VRK2: variants seen among roughly 807,000 people sequenced by gnomAD.
VRK2 encodes the protein VRK serine/threonine kinase 2.
Under a neutral mutation model 57.6 loss-of-function variants are expected in VRK2, and 60 were observed. The observed-to-expected ratio is 1.04, with a 90% confidence interval of 0.85 to 1.29. The LOEUF (loss-of-function observed/expected upper bound fraction) is 1.29. Ranked by LOEUF, VRK2 falls within the 50% of genes most tolerant of loss-of-function variation. The pLI is 0.00. For missense variants in VRK2, 705 were observed against 588.1 expected (o/e 1.20, Z -2.06); for synonymous variants, 231 against 199.2 (o/e 1.16, Z -1.35).
At chr2:58,000,914 G>A (rs367623815) in intron 1 of VRK2, among the ~76,000 whole-genome samples, 1 of 152,176 alleles carries the variant, frequency 6.6e-6, no homozygotes, top group African/African-American at 2.4e-5. Flanking sequence ...ACAAGAAAAT[G>A]CCTTTGAAAT....
intron 7 of VRK2, among the ~76,000 whole-genome samples, chr2:58,113,751 G>A (rs1441341038): frequency 1.3e-5 from 2 of 152,118 alleles, no homozygotes; most frequent in African/African-American, 2.4e-5. Flanking sequence ...CAGTTAAGGC[G>A]GGGCAGGGCC....
intron 1 of VRK2, among the ~76,000 whole-genome samples, chr2:58,009,871 T>C (rs1312637481): frequency 1.3e-5 from 2 of 152,210 alleles, no homozygotes; most frequent in Middle Eastern, 3.4e-3. Context: ...TACTTACCCA[T>C]CCTTTAATGA....
chr2:58,130,963 TTATAAA>T (rs139087470), intron 8 of VRK2, among the ~76,000 whole-genome samples: 521 of 152,222 alleles, frequency 3.4e-3, no homozygotes, highest in Middle Eastern at 0.01. Flanking sequence ...TATAAGGTAC[TTATAAA>T]TATATATAAA....
rs981312376 is a variant in VRK2, at chr2:57,980,325, C to A, written c.-438-45340C>A. On this transcript the variant is annotated intron_variant, in intron 1 of 15. Coordinates refer to the VRK2 transcript ENST00000417641. ...CATTCAAGAACAGGTTGTTAAATTT[C>A]CATGTAATTGTATGGTTTTTGAGAG... Among the ~76,000 whole-genome samples, 3 of 152,036 alleles carry A rather than the reference C, an allele frequency of 2.0e-5. No individual in the cohort carries two copies. In the East Asian group the frequency reaches 5.8e-4, roughly 29 times the overall value.
At chr2:58,038,737 C>T (rs1452347617) in intron 3 of VRK2, among the ~76,000 whole-genome samples, 1 of 152,032 alleles carries the variant, frequency 6.6e-6, no homozygotes, top group Non-Finnish European at 1.5e-5. Context: ...TGAGTTTTCA[C>T]TTTCTTTCTG....
chr2:58,159,326 C>T (rs762052029), intron 12 of VRK2, 23 bp from the exon 13 acceptor site: 3 of 1,549,568 alleles, frequency 1.9e-6, no homozygotes, highest in Non-Finnish European at 2.6e-6. Flanking sequence ...ACAAACTAAA[C>T]TATATATGTA....
chr2:58,038,046 T>G lies in VRK2; in HGVS notation c.-6+4493T>G, dbSNP rs187209601. Among the ~76,000 whole-genome samples, 6 of 152,224 alleles carry G rather than the reference T, an allele frequency of 3.9e-5. No individual in the cohort carries two copies. The East Asian group carries it at 1.2e-3, about 29-fold the overall frequency. ...TATGACACCCCAAAATATGCCACTT[T>G]GATATAAGGATGATTTGGAGCTGAA... is the stretch of plus-strand genomic sequence containing the variant. On this transcript the variant is annotated intron_variant, in intron 3 of 15. Coordinates refer to the VRK2 transcript ENST00000417641.
At chr2:57,936,580 C>G (rs939651119) in intron 1 of VRK2, among the ~76,000 whole-genome samples, 3 of 147,876 alleles carry the variant, frequency 2.0e-5, no homozygotes, top group African/African-American at 7.6e-5. Context: ...GTTGTCCAGG[C>G]TGGAGTGCAG....
At position 57,963,890 on chromosome 2, in the gene VRK2, T is replaced by C. The variant is rs1332107569; in HGVS notation, c.-439+56051T>C. On this transcript the variant is annotated intron_variant, in intron 1 of 15. Coordinates refer to the VRK2 transcript ENST00000417641. ...ATATAAGAGGATTTGCAAATACACCTGTTTGTTTAATGACATTCCCAGTAT... is the reference window on the plus strand; with the variant it reads ...ATATAAGAGGATTTGCAAATACACCCGTTTGTTTAATGACATTCCCAGTAT... Among the ~76,000 whole-genome samples, 3 of 152,248 alleles carry C rather than the reference T, an allele frequency of 2.0e-5. No individual in the cohort carries two copies. The East Asian group carries it at 5.8e-4, about 29-fold the overall frequency.
intron 1 of VRK2, among the ~76,000 whole-genome samples, chr2:57,934,408 T>A (rs1164282701): frequency 2.0e-5 from 3 of 152,214 alleles, no homozygotes; most frequent in African/African-American, 7.2e-5. Flanking sequence ...TTGAATGTAT[T>A]ATTCCACTCT....
chr2:58,093,955 C>G (rs1377907387), intron 7 of VRK2, among the ~76,000 whole-genome samples: 6 of 152,156 alleles, frequency 3.9e-5, no homozygotes, highest in African/African-American at 7.2e-5. Context: ...TGTCAGGTTT[C>G]TCAAAGATCA....
At chr2:58,015,902 A>C (rs1673565982) in intron 1 of VRK2, among the ~76,000 whole-genome samples, 1 of 152,068 alleles carries the variant, frequency 6.6e-6, no homozygotes, top group African/African-American at 2.4e-5. Context: ...TTTTATACAG[A>C]TCAATTCTGA....
intron 10 of VRK2, among the ~76,000 whole-genome samples, chr2:58,137,030 T>TATATC (rs1680272089): frequency 7.6e-6 from 1 of 130,942 alleles, no homozygotes; most frequent in African/African-American, 3.0e-5. Flanking sequence ...CATATGTGTA[T>TATATC]ATATATCATA....
At chr2:58,009,586 C>T (rs577334087) in intron 1 of VRK2, among the ~76,000 whole-genome samples, 21 of 150,640 alleles carry the variant, frequency 1.4e-4, no homozygotes, top group African/African-American at 4.2e-4. Flanking sequence ...TCACACCTTG[C>T]GTTGTATCCA....
rs1679846830 is a variant in VRK2, at chr2:58,135,231, AC to A, written c.856+33del. ...CAAATAATAACTTCAACCTTCTCTT[AC>A]GATTTACAGGTTGCCACATTTGTCG... On this transcript the variant is annotated intron_variant, in intron 10 of 12. Transcript: ENST00000340157. The A allele has an allele frequency of 2.5e-6, 4 of 1,612,716 alleles. 1 individual carries two copies. In the East Asian group the frequency reaches 8.9e-5, roughly 36 times the overall value.
intron 2 of VRK2, among the ~76,000 whole-genome samples, chr2:58,052,550 C>T (rs1283863198): frequency 2.0e-5 from 3 of 149,988 alleles, no homozygotes; most frequent in Non-Finnish European, 4.4e-5. Context: ...TTGCAGTGAG[C>T]CAAGATTGCA....
At chr2:57,974,361 AAAAC>A (rs1210632256) in intron 1 of VRK2, among the ~76,000 whole-genome samples, 2 of 152,042 alleles carry the variant, frequency 1.3e-5, no homozygotes, top group Admixed American at 6.6e-5. Flanking sequence ...TGGTAATTCT[AAAAC>A]AAACTAACAT....
At chr2:58,139,276 C>T (rs1486834393) in intron 10 of VRK2, among the ~76,000 whole-genome samples, 1 of 152,046 alleles carries the variant, frequency 6.6e-6, no homozygotes, top group Admixed American at 6.6e-5. Context: ...TAATAAGTAA[C>T]ACTTTAACTG....
intron 1 of VRK2, among the ~76,000 whole-genome samples, chr2:57,909,391 C>T (rs1489535078): frequency 6.6e-6 from 1 of 152,080 alleles, no homozygotes; most frequent in Non-Finnish European, 1.5e-5. Context: ...GTACTGCACT[C>T]TTTCACTATC....
Sources: allele counts gnomAD v4.1 joint callset (sites outside exome capture counted in the v4.1 genomes callset), GRCh38; gene constraint gnomAD v4.1.1; transcripts MANE v1.5; gene names NCBI Gene and HGNC (gene_info 2026-07-23, HGNC 2026-07-21).